Variants in UMODL1 observed in about 807,000 individuals in gnomAD.
UMODL1 encodes the protein uromodulin-like 1.
Under a neutral mutation model 136.3 loss-of-function variants are expected in UMODL1, and 128 were observed. That is an observed-to-expected ratio of 0.94 (90% CI 0.81 to 1.09). The LOEUF is 1.09. Among genes scored for constraint, UMODL1 ranks in the 50% least tolerant of loss-of-function variants. UMODL1 has a pLI of 0.00. For synonymous variants in UMODL1, 721 were observed against 720.0 expected (o/e 1.00, Z -0.02); for missense variants, 1,766 against 1,725.6 (o/e 1.02, Z -0.41).
rs376462517 is a variant in UMODL1, at chr21:42,099,152, C to T, written c.1158C>T (p.Asp386=). 3.1e-5 allele frequency: 50 copies of T among 1,613,066 alleles called. No individual in the cohort carries two copies. Among genetic ancestry groups the T allele is most frequent in the Admixed American group, 6.7e-5 (4 of 60,000 alleles). The part of the protein sequence containing the change: ...VKTSYQGCGA[D]VSTTLTIKTN... The stretch of plus-strand genomic sequence containing the variant: ...CCAGCTACCAGGGGTGCGGGGCCGA[C>T]GTCTCCACCACGCTGACCATCAAAA... The change falls in exon 7 of 23, where the codon GAC becomes GAT. Residue 386 remains aspartate, a synonymous_variant. Coordinates refer to ENST00000408910, the MANE Select transcript of UMODL1 (RefSeq NM_001004416.3). The surrounding 1 kb of genome is among the most constrained non-coding windows in gnomAD (Gnocchi z 4.1).
rs1264833467 is a variant in UMODL1, at chr21:42,094,649, G to C, written c.931+4211G>C. Among the ~76,000 whole-genome samples the C allele has an allele frequency of 2.0e-5, 3 of 152,110 alleles. No individual in the cohort carries two copies. The East Asian group carries it at 5.8e-4, about 29-fold the overall frequency. On this transcript the variant is annotated intron_variant, in intron 6 of 22. Transcript: ENST00000408910. Reference sequence around the variant, plus strand: ...TGAAAAACCAAAAACCAAGTTATAGGGGCCTACCCTGGAAGAGAGGAGTCG... The same window carrying C: ...TGAAAAACCAAAAACCAAGTTATAGCGGCCTACCCTGGAAGAGAGGAGTCG...
intron 10 of UMODL1, among the ~76,000 whole-genome samples, chr21:42,110,617 G>A (rs1237698801): frequency 6.6e-6 from 1 of 152,150 alleles, no homozygotes; most frequent in Non-Finnish European, 1.5e-5. Context: ...GGGTTTTGTA[G>A]CCCCCCGGGT....
At chr21:42,087,147 G>A (rs192104880) in intron 4 of UMODL1, among the ~76,000 whole-genome samples, 4 of 152,222 alleles carry the variant, frequency 2.6e-5, no homozygotes, top group East Asian at 1.9e-4. Context: ...CTGTCTCCTC[G>A]TGCATGTAGG....
At chr21:42,066,211 G>C (rs533309106) in intron 1 of UMODL1, among the ~76,000 whole-genome samples, 1 of 152,340 alleles carries the variant, frequency 6.6e-6, no homozygotes, top group South Asian at 2.1e-4. Flanking sequence ...ATTAAAAATA[G>C]AGGCTTAATT....
chr21:42,114,214 G>C (rs1251973690), intron 13 of UMODL1, among the ~76,000 whole-genome samples: 1 of 152,236 alleles, frequency 6.6e-6, no homozygotes, highest in East Asian at 1.9e-4. Context: ...TTTCAGGAAG[G>C]ACATCAACAG....
At chr21:42,089,178 C>G (rs907239018) in intron 5 of UMODL1, among the ~76,000 whole-genome samples, 1 of 152,192 alleles carries the variant, frequency 6.6e-6, no homozygotes. Context: ...CCTGGGCTCC[C>G]GTACGGCTTC....
At position 42,123,377 on chromosome 21, in the gene UMODL1, C is replaced by T. The variant is rs2067006339; in HGVS notation, c.3147+227C>T. Among the ~76,000 whole-genome samples, 1 of 152,150 alleles carries T rather than the reference C, an allele frequency of 6.6e-6. No homozygotes were observed. The highest frequency in any genetic ancestry group is 1.5e-5 in the Non-Finnish European group (1 of 68,022). ...GGGACTCTGGTGCAGAGTGCTGGGG[C>T]AGGCTTCAGAGTCACGGCTTAAAAC... On this transcript the variant is annotated intron_variant, in intron 17 of 22. Coordinates refer to ENST00000408910, the MANE Select transcript of UMODL1 (RefSeq NM_001004416.3). This position sits in a 1 kb window ranked among gnomAD's most constrained non-coding sequence, Gnocchi z 4.4.
chr21:42,126,509 G>T lies in UMODL1; in HGVS notation c.3293+19G>T. 3.1e-6 allele frequency: 5 copies of T among 1,614,102 alleles called. 1 individual carries two copies. The East Asian group carries it at 1.1e-4, about 36-fold the overall frequency. On this transcript the variant is annotated intron_variant, in intron 18 of 22. Coordinates refer to ENST00000408910, the MANE Select transcript of UMODL1 (RefSeq NM_001004416.3). ...AGTGGGGGTAAGGGAGAAATGCCCC[G>T]GCTGCCCCACAGCCACGTGCCTCCA... is the stretch of plus-strand genomic sequence containing the variant.
At chr21:42,071,459 G>A in intron 1 of UMODL1, 67 bp downstream of exon 1, 1 of 1,430,820 alleles carries the variant, frequency 7.0e-7, no homozygotes, top group Non-Finnish European at 9.2e-7. Context: ...GGTCTCATGA[G>A]GACAGCCCCC....
At chr21:42,133,902 TG>T (rs1316348539) in intron 21 of UMODL1, among the ~76,000 whole-genome samples, 1 of 137,444 alleles carries the variant, frequency 7.3e-6, no homozygotes, top group Non-Finnish European at 1.6e-5. Flanking sequence ...TGTTTTGTTT[TG>T]TTTTGTTTTG....
chr21:42,136,858 A>G (rs1243871012), intron 21 of UMODL1, among the ~76,000 whole-genome samples: 5 of 151,972 alleles, frequency 3.3e-5, no homozygotes, highest in African/African-American at 9.7e-5. Context: ...CCTGTGTTCA[A>G]GTGATTCTCC....
intron 9 of UMODL1, 53 bp from the exon 10 acceptor site, chr21:42,109,509 G>A (rs1359938961): frequency 1.3e-6 from 2 of 1,596,820 alleles, no homozygotes; most frequent in African/African-American, 2.7e-5. Context: ...TCTGTCTTCT[G>A]ATCACTCTTT....
intron 22 of UMODL1, among the ~76,000 whole-genome samples, chr21:42,138,511 G>A (rs1569183204): frequency 6.6e-6 from 1 of 151,996 alleles, no homozygotes; most frequent in African/African-American, 2.4e-5. Flanking sequence ...CATTATGGAG[G>A]GCAGTATGGT....
At chr21:42,093,763 C>A in intron 6 of UMODL1, 1 of 395,618 alleles carries the variant, frequency 2.5e-6, no homozygotes, top group Non-Finnish European at 5.1e-6. Context: ...CTGGATCAAT[C>A]ACGGAAAGAG....
chr21:42,073,931 C>T (rs960783946), intron 1 of UMODL1, among the ~76,000 whole-genome samples: 1 of 152,190 alleles, frequency 6.6e-6, no homozygotes. Flanking sequence ...AATGCAAGCA[C>T]TGTATGTCAA....
upstream of UMODL1, among the ~76,000 whole-genome samples, chr21:42,067,514 C>T (rs1217492369): frequency 6.6e-6 from 1 of 152,222 alleles, no homozygotes; most frequent in East Asian, 1.9e-4. Flanking sequence ...ACCCAGGGGA[C>T]CCTGTCCAGC....
At chr21:42,106,677 C>A (rs931688418) in intron 9 of UMODL1, among the ~76,000 whole-genome samples, 1 of 152,340 alleles carries the variant, frequency 6.6e-6, no homozygotes, top group South Asian at 2.1e-4. Flanking sequence ...AGCCGCCCCC[C>A]GCGCCTATGA....
At chr21:42,119,345 G>A in intron 15 of UMODL1, 21 bp downstream of exon 15, 2 of 1,608,282 alleles carry the variant, frequency 1.2e-6, no homozygotes, top group Non-Finnish European at 1.7e-6. Flanking sequence ...CTGGGATGGA[G>A]CCTCTCCCGT....
At chr21:42,095,089 G>GTTTTTTTTT (rs58764222) in intron 6 of UMODL1, among the ~76,000 whole-genome samples, 1,087 of 61,172 alleles carry the variant, frequency 0.018, 275 homozygotes, top group Middle Eastern at 0.047. Flanking sequence ...TTCTTCTGCT[G>GTTTTTTTTT]TTTTTTTTTT....
Sources: allele counts gnomAD v4.1 joint callset (sites outside exome capture counted in the v4.1 genomes callset), GRCh38; gene constraint gnomAD v4.1.1; non-coding constraint Gnocchi (gnomAD v3.1); transcripts MANE v1.5; gene names NCBI Gene and HGNC (gene_info 2026-07-23, HGNC 2026-07-21).